The following PRKG1 variants were observed in gnomAD, a reference collection of about 807,000 sequenced individuals.
PRKG1 encodes the protein protein kinase cGMP-dependent 1, also known as cGMP-dependent protein kinase 1.
A neutral mutation model predicts 88.1 loss-of-function variants in PRKG1; 35 were observed. The observed-to-expected ratio is 0.40, with a 90% CI of 0.30 to 0.53. The LOEUF is 0.53. Ranked by LOEUF, PRKG1 falls within the 20% of genes least tolerant of loss-of-function variation. The probability of loss-of-function intolerance (pLI) is 0.59; values close to 1 mark genes in which losing one functional copy is unlikely to be tolerated. For synonymous variants in PRKG1, 303 were observed against 292.5 expected (o/e 1.04, Z -0.37); for missense variants, 540 against 839.8 (o/e 0.64, Z 4.41).
At chr10:52,026,667 A>C (rs1230072865) in intron 5 of PRKG1, among the ~76,000 whole-genome samples, 2 of 152,140 alleles carry the variant, frequency 1.3e-5, no homozygotes, top group East Asian at 3.9e-4. Context: ...GATACTAAAA[A>C]TCTTGTGCAT....
chr10:51,890,216 A>G (rs1252278769), intron 4 of PRKG1, among the ~76,000 whole-genome samples: 2 of 152,196 alleles, frequency 1.3e-5, no homozygotes, highest in Admixed American at 6.5e-5. Flanking sequence ...TCTTTAATCC[A>G]TCTTGAATTA....
chr10:51,721,611 T>G (rs967959530), intron 3 of PRKG1, among the ~76,000 whole-genome samples: 2 of 152,218 alleles, frequency 1.3e-5, no homozygotes, highest in African/African-American at 4.8e-5. Flanking sequence ...CTCTCTTTAG[T>G]GCACGAGGCT....
intron 8 of PRKG1, among the ~76,000 whole-genome samples, chr10:52,149,306 A>T (rs939796675): frequency 2.6e-5 from 4 of 152,006 alleles, no homozygotes; most frequent in African/African-American, 9.7e-5. Context: ...AAAATTACAA[A>T]TGAAAATCAT....
rs115633197 is a variant in PRKG1 at position 51,489,507 on chromosome 10, T to G, written c.592+21671T>G. Among the ~76,000 whole-genome samples, 989 of 152,258 alleles carry G rather than the reference T, an allele frequency of 6.5e-3. 6 individuals are homozygous for G. The highest frequency in any genetic ancestry group is 0.022 in the African/African-American group (914 of 41,558). ...ATTATCAGACCCCACCCAAGACTCC[T>G]GATTCAAAAAGGGAGATTTAACTAG... On this transcript the variant is annotated intron_variant, in intron 3 of 17. Coordinates refer to ENST00000373980, the MANE Select transcript of PRKG1 (RefSeq NM_006258.4).
chr10:51,884,444 CAAAAAAAAAA>C (rs57229967), intron 4 of PRKG1, among the ~76,000 whole-genome samples: 5 of 70,028 alleles, frequency 7.1e-5, no homozygotes, highest in Non-Finnish European at 8.2e-5. Flanking sequence ...AACTCCGTCT[CAAAAAAAAAA>C]AAAAAAAAAA....
chr10:52,070,575 C>T (rs549925119), intron 7 of PRKG1, among the ~76,000 whole-genome samples: 3 of 152,160 alleles, frequency 2.0e-5, no homozygotes, highest in South Asian at 2.1e-4. Context: ...ATTCTTTCCC[C>T]CGCTTTCTCT....
chr10:51,162,837 C>G (rs1213497534), intron 2 of PRKG1, among the ~76,000 whole-genome samples: 1 of 152,124 alleles, frequency 6.6e-6, no homozygotes, highest in African/African-American at 2.4e-5. Flanking sequence ...CCTGCCTTTG[C>G]CTCTTGAGCA....
chr10:51,340,787 T>C (rs533358416), intron 2 of PRKG1, among the ~76,000 whole-genome samples: 2 of 152,310 alleles, frequency 1.3e-5, no homozygotes, highest in South Asian at 2.1e-4. Context: ...TAGAAAACCA[T>C]AGACAATATC....
chr10:52,291,699 G>T (rs1267564770), intron 17 of PRKG1, among the ~76,000 whole-genome samples: 5 of 151,952 alleles, frequency 3.3e-5, no homozygotes, highest in Admixed American at 6.6e-5. Flanking sequence ...TGTGAATAGT[G>T]CCGCAATAAA....
chr10:51,482,676 C>G lies in PRKG1; in HGVS notation c.592+14840C>G, dbSNP rs150074837. 2.1e-3 allele frequency among the ~76,000 whole-genome samples: 327 copies of G among 152,264 alleles called. 1 individual carries two copies. Among genetic ancestry groups the G allele is most frequent in the African/African-American group, 7.4e-3 (309 of 41,556 alleles). On this transcript the variant is annotated intron_variant, in intron 3 of 17. Transcript: ENST00000373980. ...CTCCCCAAGCTGTGGTTTTAACCCC[C>G]ATGGTTCTCCTAGGCAAGGGAGTAT...
intron 1 of PRKG1, among the ~76,000 whole-genome samples, chr10:51,021,417 A>G (rs937827547): frequency 6.6e-6 from 1 of 152,204 alleles, no homozygotes; most frequent in South Asian, 2.1e-4. Flanking sequence ...AACTTTTGCT[A>G]GAACTTGCTA....
At chr10:51,230,714 C>A (rs2132108238) in intron 2 of PRKG1, among the ~76,000 whole-genome samples, 1 of 151,578 alleles carries the variant, frequency 6.6e-6, no homozygotes, top group South Asian at 2.1e-4. Context: ...CTCTAAATTA[C>A]TTATAATAAT....
At chr10:51,292,305 C>T (rs1464034205) in intron 2 of PRKG1, among the ~76,000 whole-genome samples, 2 of 152,120 alleles carry the variant, frequency 1.3e-5, no homozygotes, top group Non-Finnish European at 2.9e-5. Context: ...TCTGCATAAC[C>T]TCAAGTCTTC....
At chr10:51,185,343 C>T (rs1046934025) in intron 2 of PRKG1, among the ~76,000 whole-genome samples, 6 of 151,932 alleles carry the variant, frequency 3.9e-5, no homozygotes, top group African/African-American at 1.4e-4. Context: ...TTATTTTGTA[C>T]CTTGACTTTC....
Position 51,804,679 on chromosome 10 carries a change from A to G in PRKG1, c.687A>G (p.Glu229=), listed in dbSNP as rs767621849. The part of the protein sequence containing the change: ...TGLIKHTEYM[E]FLKSVPTFQS... The stretch of plus-strand genomic sequence containing the variant: ...TCATCAAGCATACCGAGTATATGGA[A>G]TTTTTAAAAAGGTAGGATGCTTTCT... The change falls in exon 4 of 18, where the codon GAA becomes GAG. Residue 229 remains glutamate (E), a synonymous_variant. Transcript: ENST00000373980. 1.3e-6 allele frequency: 2 copies of G among 1,568,532 alleles called. No homozygotes were observed. Among genetic ancestry groups the G allele is most frequent in the South Asian group, 2.2e-5 (2 of 89,706 alleles).
chr10:52,051,051 C>T (rs2133247883), intron 5 of PRKG1, among the ~76,000 whole-genome samples: 2 of 152,276 alleles, frequency 1.3e-5, no homozygotes, highest in East Asian at 3.9e-4. Context: ...TACAGGACAT[C>T]TCCCTACAAT....
chr10:51,350,500 G>A (rs1006289779), intron 2 of PRKG1, among the ~76,000 whole-genome samples: 4 of 152,080 alleles, frequency 2.6e-5, no homozygotes, highest in Admixed American at 2.6e-4. Flanking sequence ...GAAAAAAACT[G>A]GAAGCTTCTT....
At chr10:51,058,091 T>C (rs1843653066) in intron 1 of PRKG1, among the ~76,000 whole-genome samples, 1 of 152,158 alleles carries the variant, frequency 6.6e-6, no homozygotes, top group Non-Finnish European at 1.5e-5. Flanking sequence ...TACATTTCCC[T>C]GATGACTAAC....
chr10:51,142,607 A>T (rs549951801), intron 1 of PRKG1, among the ~76,000 whole-genome samples: 1 of 152,232 alleles, frequency 6.6e-6, no homozygotes, highest in African/African-American at 2.4e-5. Context: ...AAAGTGTTTT[A>T]TTGCAGGCTG....
Sources: allele counts gnomAD v4.1 joint callset (sites outside exome capture counted in the v4.1 genomes callset), GRCh38; gene constraint gnomAD v4.1.1; transcripts MANE v1.5; gene names NCBI Gene and HGNC (gene_info 2026-07-23, HGNC 2026-07-21).